PLCH1: variants seen among roughly 807,000 people sequenced by gnomAD.
PLCH1 encodes the protein phospholipase C eta 1.
Under a neutral mutation model 126.7 loss-of-function variants are expected in PLCH1, and 60 were observed. That is an observed-to-expected ratio of 0.47 (90% CI 0.38 to 0.59). The LOEUF is 0.59. PLCH1 is among the 20% of genes least tolerant of loss of function. The pLI is 0.00. For missense variants in PLCH1, 1,723 were observed against 2,040.0 expected (o/e 0.84, Z 2.99); for synonymous variants, 719 against 734.9 (o/e 0.98, Z 0.35).
At chr3:155,585,505 T>C (rs1731239451) in intron 5 of PLCH1, among the ~76,000 whole-genome samples, 1 of 152,342 alleles carries the variant, frequency 6.6e-6, no homozygotes, top group Middle Eastern at 3.4e-3. Context: ...CCTAGCTGGA[T>C]GCCACAGAAT....
chr3:155,716,591 G>C (rs968123358), intron 1 of PLCH1, among the ~76,000 whole-genome samples: 2 of 152,098 alleles, frequency 1.3e-5, no homozygotes, highest in African/African-American at 4.8e-5. Context: ...GAATACGATG[G>C]GGGGTGCCAC....
At chr3:155,578,354 A>T (rs1730237098) in intron 6 of PLCH1, among the ~76,000 whole-genome samples, 1 of 152,232 alleles carries the variant, frequency 6.6e-6, no homozygotes, top group Non-Finnish European at 1.5e-5. Flanking sequence ...TTTAATTCTT[A>T]AGAAAGCAAC....
chr3:155,735,266 TA>T (rs1247765429), intron 1 of PLCH1, among the ~76,000 whole-genome samples: 2 of 152,030 alleles, frequency 1.3e-5, no homozygotes, highest in East Asian at 1.9e-4. Context: ...TTTGGTTAGA[TA>T]GGGGGAAGAA....
chr3:155,636,254 G>C (rs1033632748), intron 2 of PLCH1, among the ~76,000 whole-genome samples: 9 of 152,112 alleles, frequency 5.9e-5, no homozygotes, highest in African/African-American at 2.2e-4. Context: ...CCTGGAATAG[G>C]ATTAACCTGT....
At chr3:155,478,451 G>T (rs1576773773), downstream of PLCH1, among the ~76,000 whole-genome samples, 2 of 152,134 alleles carry the variant, frequency 1.3e-5, no homozygotes, top group Admixed American at 1.3e-4. Context: ...TGAGGAAATG[G>T]ATACTCCATT....
At chr3:155,585,648 T>C (rs1731261326) in intron 5 of PLCH1, among the ~76,000 whole-genome samples, 1 of 152,170 alleles carries the variant, frequency 6.6e-6, no homozygotes, top group African/African-American at 2.4e-5. Context: ...CTAATCCTCA[T>C]GGATACTAAA....
chr3:155,482,752 G>T lies in PLCH1; in HGVS notation c.3274C>A (p.Gln1092Lys), dbSNP rs758492767. Residue 1092 changes from glutamine (Q) to lysine (K), a missense_variant, in exon 23 of 23, where the codon CAA becomes AAA. Around this residue, in one of 2 missense-constraint regions of PLCH1, gnomAD observed 947 missense variants for 977.1 expected, o/e 0.97. Transcript: ENST00000460012. ...LAPDPVVNPTQDLHGVKIKEK... is the reference protein window; with the variant it reads ...LAPDPVVNPTKDLHGVKIKEK... ...TTGATTTTCACACCATGCAGATCTT[G>T]TGTGGGGTTAACTACAGGATCGGGA... The T allele has an allele frequency of 6.2e-7, 1 of 1,614,178 alleles. No individual in the cohort carries two copies. Among genetic ancestry groups the T allele is most frequent in the South Asian group, 1.1e-5 (1 of 91,086 alleles).
intron 1 of PLCH1, among the ~76,000 whole-genome samples, chr3:155,732,987 AC>A (rs1748887568): frequency 6.6e-6 from 1 of 152,064 alleles, no homozygotes; most frequent in Non-Finnish European, 1.5e-5. Context: ...CAAAAAAAAT[AC>A]GTAGGAATAA....
intron 21 of PLCH1, among the ~76,000 whole-genome samples, chr3:155,455,193 G>A (rs1712410140): frequency 6.6e-6 from 1 of 152,144 alleles, no homozygotes; most frequent in Non-Finnish European, 1.5e-5. Context: ...TGGAGGAAGG[G>A]AAGGGGGTGG....
chr3:155,465,979 C>A (rs1386169457), intron 21 of PLCH1, among the ~76,000 whole-genome samples: 1 of 152,208 alleles, frequency 6.6e-6, no homozygotes, highest in Non-Finnish European at 1.5e-5. Flanking sequence ...CAACAGAACA[C>A]CGGATAGATT....
intron 2 of PLCH1, among the ~76,000 whole-genome samples, chr3:155,696,714 CTTCT>C (rs1375262916): frequency 1.3e-5 from 2 of 152,174 alleles, no homozygotes; most frequent in Non-Finnish European, 2.9e-5. Flanking sequence ...CACATTATTT[CTTCT>C]TTCTAATTAA....
chr3:155,517,382 A>G (rs1292677332), intron 11 of PLCH1, among the ~76,000 whole-genome samples: 1 of 152,238 alleles, frequency 6.6e-6, no homozygotes. Context: ...TTAAAACAAT[A>G]GAAATGTACT....
intron 21 of PLCH1, among the ~76,000 whole-genome samples, chr3:155,464,112 T>C (rs563613285): frequency 1.3e-4 from 20 of 152,228 alleles, no homozygotes; most frequent in African/African-American, 4.8e-4. Flanking sequence ...GGTCCTCAAA[T>C]GAGATTGTGT....
At chr3:155,560,005 G>A (rs1210107410) in intron 8 of PLCH1, among the ~76,000 whole-genome samples, 1 of 152,260 alleles carries the variant, frequency 6.6e-6, no homozygotes, top group South Asian at 2.1e-4. Flanking sequence ...GTCGGTATAA[G>A]GAATTAATGA....
chr3:155,602,090 C>G (rs4680193), intron 2 of PLCH1, among the ~76,000 whole-genome samples: 28,855 of 151,944 alleles, frequency 0.19, 3,539 homozygotes, highest in African/African-American at 0.35. Context: ...AAAAATTACC[C>G]TGAATAGGAG....
At chr3:155,661,766 CA>C (rs1321448481) in intron 2 of PLCH1, among the ~76,000 whole-genome samples, 1 of 152,096 alleles carries the variant, frequency 6.6e-6, no homozygotes. Context: ...AAACTGTGAG[CA>C]AAAATGAATA....
chr3:155,544,198 C>G (rs1342578168), intron 10 of PLCH1, among the ~76,000 whole-genome samples: 1 of 152,052 alleles, frequency 6.6e-6, no homozygotes, highest in African/African-American at 2.4e-5. Flanking sequence ...GAAGATCTAC[C>G]AAGCAAATGG....
chr3:155,672,294 T>G (rs1308933267), intron 2 of PLCH1, among the ~76,000 whole-genome samples: 1 of 152,030 alleles, frequency 6.6e-6, no homozygotes, highest in Non-Finnish European at 1.5e-5. Context: ...ACAAAATACA[T>G]GAAAAGAGCC....
intron 13 of PLCH1, among the ~76,000 whole-genome samples, chr3:155,502,012 A>ACT (rs562670092): frequency 1.3e-5 from 2 of 151,544 alleles, no homozygotes; most frequent in African/African-American, 4.9e-5. Context: ...CTTCTCCTAA[A>ACT]CCCCCCCAAA....
Sources: gnomAD v4.1 joint callset for allele counts (sites outside exome capture counted in the v4.1 genomes callset) on GRCh38, gnomAD v4.1.1 for gene constraint, gnomAD v4.1.1 regional missense constraint, MANE v1.5 for transcripts, NCBI Gene and HGNC (gene_info 2026-07-23, HGNC 2026-07-21) for gene names.